Variants in FLII observed in about 807,000 individuals in gnomAD.
FLII encodes protein flightless-1 homolog.
A neutral mutation model predicts 156.2 loss-of-function variants in FLII; 101 were observed. The ratio of observed to expected loss-of-function variants is 0.65; its 90% confidence interval spans 0.55 to 0.76. The LOEUF (loss-of-function observed/expected upper bound fraction) is 0.76, where lower values mean the gene tolerates loss of function less well. FLII is among the 30% of genes least tolerant of loss of function. The pLI is 0.00. For synonymous variants in FLII, 767 were observed against 685.8 expected (o/e 1.12, Z -1.85); for missense variants, 1,675 against 1,682.8 (o/e 1.00, Z 0.08).
chr17:18,249,451 C>T, intron 14 of FLII, 43 bp from the exon 15 acceptor site: 1 of 1,515,688 alleles, frequency 6.6e-7, no homozygotes, highest in Non-Finnish European at 9.1e-7. Context: ...GAGCTGCCCC[C>T]TCCCCCACCA....
intron 25 of FLII, 48 bp from the exon 26 acceptor site, chr17:18,246,110 A>G: frequency 6.2e-7 from 1 of 1,614,034 alleles, no homozygotes; most frequent in Non-Finnish European, 8.5e-7. Flanking sequence ...CTCAGCCCCC[A>G]AACACCCCAC....
In FLII at chr17:18,246,532, T is replaced by G. The variant is rs530284418; in HGVS notation, c.3051+62A>C. 4.6e-4 allele frequency: 749 copies of G among 1,611,270 alleles called. 5 individuals carry two copies. The highest frequency in any genetic ancestry group is 2.5e-4 in the Non-Finnish European group (294 of 1,178,526). ...TGCCCCTCGGGAGCCTAACCTTCGC[T>G]GGGTCTGAGCCCCACCACACCCCTC... is the stretch of plus-strand genomic sequence containing the variant. On this transcript the variant is annotated intron_variant, in intron 23 of 29. Transcript: ENST00000327031.
In FLII at chr17:18,248,391, C is replaced by T. The variant is rs370154174; in HGVS notation, c.2190+159G>A. 5.3e-5 allele frequency among the ~76,000 whole-genome samples: 8 copies of T among 152,318 alleles called. No homozygotes were observed. In the South Asian group the frequency reaches 1.0e-3, roughly 20 times the overall value. ...TGAGGCTACTTCTCAAAAGCAGCCT[C>T]CAGACCTTTGCTCATACTGTTCCTT... is the stretch of plus-strand genomic sequence containing the variant. On this transcript the variant is annotated intron_variant, in intron 18 of 29. Coordinates refer to ENST00000327031, the MANE Select transcript of FLII (RefSeq NM_002018.4).
chr17:18,245,434 G>T lies in FLII; in HGVS notation c.3610-15C>A. On this transcript the variant is annotated splice_polypyrimidine_tract_variant and intron_variant, in intron 28 of 29. Transcript: ENST00000327031. ...CACATGTAGACCTGTGGGGGCAGCA[G>T]GGGAGATACGGTTGCATGGGTGCCT... 6.2e-7 allele frequency: 1 copy of T among 1,613,930 alleles called. No homozygotes were observed. Among genetic ancestry groups the T allele is most frequent in the Non-Finnish European group, 8.5e-7 (1 of 1,179,796 alleles).
rs1284913951 is a variant in FLII at position 18,248,030 on chromosome 17, C to A, written c.2194G>T (p.Gly732Cys). The A allele has an allele frequency of 6.2e-7, 1 of 1,610,320 alleles. No individual in the cohort carries two copies. The highest frequency in any genetic ancestry group is 1.7e-5 in the Admixed American group (1 of 59,548). The change falls in exon 19 of 30, where the codon GGC becomes TGC. Residue 732 changes from glycine to cysteine, a missense_variant. Transcript: ENST00000327031. Reference protein sequence around the residue: ...WPPQPKLYKVGLGLGYLELPQ... With the variant: ...WPPQPKLYKVCLGLGYLELPQ... ...AGCTCCAGGTAGCCCAAGCCCAGGC[C>A]CACCTGGCAGGAAGGATGAGCATGG...
chr17:18,247,816 G>A lies in FLII; in HGVS notation c.2328C>T (p.Tyr776=), dbSNP rs1314122519. Residue 776 remains tyrosine (Y), a synonymous_variant, in exon 20 of 30, where the codon TAC becomes TAT. Coordinates refer to ENST00000327031, the MANE Select transcript of FLII (RefSeq NM_002018.4). ...LQSLLDTRCV[Y]ILDCWSDVFI... Reference sequence around the variant, plus strand: ...ACACGTCGGACCAACAGTCCAGAATGTACACGCAGCGCGTGTCCAGCAGAC... The same window carrying A: ...ACACGTCGGACCAACAGTCCAGAATATACACGCAGCGCGTGTCCAGCAGAC... 2 of 1,613,350 alleles carry A rather than the reference G, an allele frequency of 1.2e-6. No individual in the cohort carries two copies. Among genetic ancestry groups the A allele is most frequent in the Non-Finnish European group, 1.7e-6 (2 of 1,180,004 alleles).
rs926627650 is a variant in FLII, at chr17:18,251,765, C to T, written c.1298G>A (p.Arg433His). The T allele has an allele frequency of 5.0e-6, 8 of 1,613,806 alleles. No homozygotes were observed. The highest frequency in any genetic ancestry group is 1.7e-5 in the Admixed American group (1 of 60,016). Residue 433 changes from arginine to histidine, a missense_variant, in exon 12 of 30, where the codon CGC becomes CAC. Arg to His is a conservative substitution (Grantham distance 29). This residue lies in a region of FLII where 1,332 missense variants were observed against 1,269.3 expected (regional missense o/e 1.05). Coordinates refer to ENST00000327031, the MANE Select transcript of FLII (RefSeq NM_002018.4). ...CTGGTCATCCTGGGCTGAATCCTTG[C>T]GCCTCCGCAGTCGCATCTTGCGAGC... ...PMARKMRLRR[R>H]KDSAQDDQAK... is the part of the protein sequence containing the mutation.
At position 18,245,856 on chromosome 17, in the gene FLII, G is replaced by GGAAA. The variant is rs772528038; in HGVS notation, c.3397-10_3397-7dup. On this transcript the variant is annotated splice_polypyrimidine_tract_variant and splice_region_variant and intron_variant, in intron 26 of 29. Coordinates refer to ENST00000327031, the MANE Select transcript of FLII (RefSeq NM_002018.4). ...TCCTCACCTTCGTTGATAACCTGCG[G>GGAAA]GAAAGGCCAGTCCAGCCCAGGGCCC... 8 of 1,613,846 alleles carry GGAAA rather than the reference G, an allele frequency of 5.0e-6. No individual in the cohort carries two copies. The East Asian group carries it at 1.8e-4, about 36-fold the overall frequency.
At chr17:18,255,327 G>T in intron 3 of FLII, 64 bp from the exon 4 acceptor site, 1 of 1,350,216 alleles carries the variant, frequency 7.4e-7, no homozygotes, top group Non-Finnish European at 1.0e-6. Flanking sequence ...ACAGAGTCTA[G>T]AGAGGGACAC....
rs2048160717 is a variant in FLII, at chr17:18,248,556, C to A, written c.2184G>T (p.Leu728=). 1.2e-6 allele frequency: 2 copies of A among 1,608,508 alleles called. No homozygotes were observed. Among genetic ancestry groups the A allele is most frequent in the Non-Finnish European group, 1.7e-6 (2 of 1,177,704 alleles). ...PEDFWPPQPK[L]YKVGLGLGYL... is the part of the protein sequence containing the mutation. ...CCTCAGCAGCAGGGCTCACCTTGTA[C>A]AGCTTGGGCTGCGGCGGCCAGAAGT... is the stretch of plus-strand genomic sequence containing the variant. The change falls in exon 18 of 30, where the codon CTG becomes CTT. Residue 728 remains leucine (L), a synonymous_variant. Transcript: ENST00000327031.
In FLII at chr17:18,247,769, G is replaced by C. The variant is rs1318914247; in HGVS notation, c.2375C>G (p.Ser792Cys). Reference sequence around the variant, plus strand: ...GGCGGCAGCGCGCACCAGGCGCGGGGACTTGCGGCCGAGCCAGATGAACAC... The same window carrying C: ...GGCGGCAGCGCGCACCAGGCGCGGGCACTTGCGGCCGAGCCAGATGAACAC... The part of the protein sequence containing the change: ...SDVFIWLGRK[S>C]PRLVRAAALK... Residue 792 changes from serine (S) to cysteine (C), a missense_variant, in exon 20 of 30, where the codon TCC becomes TGC. Physicochemically the swap from Ser to Cys is moderately radical, Grantham distance 112 (BLOSUM62 -1). Around this residue, in one of 2 missense-constraint regions of FLII, gnomAD observed 1,332 missense variants for 1,269.3 expected, o/e 1.05. Coordinates refer to ENST00000327031, the MANE Select transcript of FLII (RefSeq NM_002018.4). The C allele has an allele frequency of 2.5e-6, 4 of 1,609,336 alleles. No homozygotes were observed. In the African/African-American group the frequency reaches 5.3e-5, roughly 21 times the overall value.
intron 6 of FLII, 52 bp downstream of exon 6, chr17:18,254,469 C>A (rs1242266722): frequency 6.5e-7 from 1 of 1,536,838 alleles, no homozygotes; most frequent in South Asian, 1.2e-5. Flanking sequence ...AGGGGCCCGG[C>A]CAGACTCCTC....
intron 21 of FLII, 38 bp downstream of exon 21, chr17:18,247,131 C>T (rs759140345): frequency 0.019 from 3,125 of 167,516 alleles, 11 homozygotes; most frequent in Non-Finnish European, 0.029. Context: ...CTGCCCCCCA[C>T]CCCCCCCCCC....
chr17:18,246,845 T>C lies in FLII; in HGVS notation c.2817-17A>G, dbSNP rs201081808. On this transcript the variant is annotated splice_polypyrimidine_tract_variant and intron_variant, in intron 22 of 29. Coordinates refer to ENST00000327031, the MANE Select transcript of FLII (RefSeq NM_002018.4). ...ACCCAGTACCTGCCGGGTTGGAAGGTTGTGAGCAGGGGCTCGAGCCCCCAG... is the reference window on the plus strand; with the variant it reads ...ACCCAGTACCTGCCGGGTTGGAAGGCTGTGAGCAGGGGCTCGAGCCCCCAG... The C allele has an allele frequency of 3.5e-5, 56 of 1,613,932 alleles. No individual in the cohort carries two copies. In the African/African-American group the frequency reaches 4.3e-4, roughly 12 times the overall value.
chr17:18,251,596 C>T, intron 12 of FLII, 84 bp downstream of exon 12: 2 of 1,593,816 alleles, frequency 1.3e-6, no homozygotes, highest in Non-Finnish European at 1.7e-6. Context: ...CACCCCCCGT[C>T]CCTCTTGGCC....
Position 18,245,207 on chromosome 17 carries a change from C to G in FLII, c.3741G>C (p.Lys1247Asn), listed in dbSNP as rs770448874. The change falls in exon 30 of 30, where the codon AAG (lysine) becomes AAC (asparagine). Residue 1247 changes from lysine to asparagine, a missense_variant. Lys to Asn is a moderately conservative substitution (Grantham distance 94). Transcript: ENST00000327031. ...GGGTAAAGGCGTGCTGCTCATTGCCCTTGCGGACCAGGCGCAGCCGGCGCG... is the reference window on the plus strand; with the variant it reads ...GGGTAAAGGCGTGCTGCTCATTGCCGTTGCGGACCAGGCGCAGCCGGCGCG... ...ERPRRLRLVR[K>N]GNEQHAFTRC... The G allele has an allele frequency of 6.2e-7, 1 of 1,613,982 alleles. No homozygotes were observed. The highest frequency in any genetic ancestry group is 1.1e-5 in the South Asian group (1 of 91,074).
chr17:18,249,806 A>T (rs964162973), intron 14 of FLII, among the ~76,000 whole-genome samples: 3 of 149,194 alleles, frequency 2.0e-5, no homozygotes, highest in Middle Eastern at 3.3e-3. Context: ...AAACAAACAA[A>T]CAAACAAACA....
At chr17:18,248,124 C>A (rs1054081895) in intron 18 of FLII, 91 bp from the exon 19 acceptor site, 7 of 810,190 alleles carry the variant, frequency 8.6e-6, no homozygotes, top group Non-Finnish European at 1.4e-5. Context: ...CCCTGCCCTG[C>A]AGCGTGGCTC....
intron 14 of FLII, among the ~76,000 whole-genome samples, 162 bp downstream of exon 14, chr17:18,250,676 C>T (rs934728435): frequency 5.3e-5 from 8 of 152,214 alleles, no homozygotes; most frequent in Admixed American, 1.3e-4. Flanking sequence ...CCTCACCCTG[C>T]GGTCTGCCTT....
Sources: gnomAD v4.1 joint callset for allele counts (sites outside exome capture counted in the v4.1 genomes callset) on GRCh38, gnomAD v4.1.1 for gene constraint, gnomAD v4.1.1 regional missense constraint, MANE v1.5 for transcripts, NCBI Gene and HGNC (gene_info 2026-07-23, HGNC 2026-07-21) for gene names.